The following ZNF777 variants were observed in gnomAD, a reference collection of about 807,000 sequenced individuals.
ZNF777 encodes zinc finger protein 777.
Under a neutral mutation model 72.1 loss-of-function variants are expected in ZNF777, and 7 were observed. The ratio of observed to expected loss-of-function variants is 0.10; its 90% CI spans 0.06 to 0.18. ZNF777 has a LOEUF of 0.18. Among genes scored for constraint, ZNF777 ranks in the 10% least tolerant of loss-of-function variants. The pLI is 1.00. For missense variants in ZNF777, 828 were observed against 1,128.6 expected (o/e 0.73, Z 3.82); for synonymous variants, 545 against 483.5 (o/e 1.13, Z -1.67).
intron 4 of ZNF777, among the ~76,000 whole-genome samples, chr7:149,442,827 C>T (rs1173825856): frequency 6.6e-6 from 1 of 152,016 alleles, no homozygotes; most frequent in Non-Finnish European, 1.5e-5. Flanking sequence ...TCAACATCAC[C>T]CTTATGGAAA....
At position 149,436,729 on chromosome 7, in the gene ZNF777, C is replaced by T; in HGVS notation, c.1185G>A (p.Glu395=). The stretch of plus-strand genomic sequence containing the variant: ...CCAGCTCTGAGTCCTGGAAGCCGTG[C>T]TCTTCCACCTGTCCCATCAGGGGCT... ...TPEPLMGQVE[E]HGFQDSELGD... Residue 395 remains glutamate (E), a synonymous_variant, in exon 5 of 6, where the codon GAG becomes GAA. Coordinates refer to ENST00000247930, the MANE Select transcript of ZNF777 (RefSeq NM_015694.3). This position sits in a 1 kb window ranked among gnomAD's most constrained non-coding sequence, Gnocchi z 5.0. The T allele has an allele frequency of 3.1e-6, 5 of 1,614,178 alleles. No homozygotes were observed. Among genetic ancestry groups the T allele is most frequent in the Non-Finnish European group, 4.2e-6 (5 of 1,180,042 alleles).
chr7:149,454,911 C>T (rs543791240), intron 2 of ZNF777, among the ~76,000 whole-genome samples: 1 of 152,188 alleles, frequency 6.6e-6, no homozygotes, highest in Non-Finnish European at 1.5e-5. Flanking sequence ...CATCGGCCTT[C>T]GCTTTGCCTT....
Position 149,461,044 on chromosome 7 carries a change from GAA to G in ZNF777, c.-247_-246del, listed in dbSNP as rs1554495433. 3 of 152,308 alleles carry G rather than the reference GAA, an allele frequency of 2.0e-5. No individual in the cohort carries two copies. The highest frequency in any genetic ancestry group is 4.4e-5 in the Non-Finnish European group (3 of 68,102). 9.4% of individuals were successfully genotyped at this position (152,308 alleles called of 1,614,324 possible). ...GATCTAAGAAACCCGTCACACCAGA[GAA>G]AGCCCGGAGTTCATGTGACCAGCTC... On this transcript the variant is annotated 5_prime_UTR_variant, in exon 1 of 6. An upstream open reading frame in the 5' UTR loses its in-frame stop. Transcript: ENST00000247930.
Position 149,455,054 on chromosome 7 carries a change from C to A in ZNF777, c.846+123G>T, listed in dbSNP as rs1585703774. On this transcript the variant is annotated intron_variant, in intron 2 of 5. Coordinates refer to ENST00000247930, the MANE Select transcript of ZNF777 (RefSeq NM_015694.3). This position sits in a 1 kb window ranked among gnomAD's most constrained non-coding sequence, Gnocchi z 4.2. ...ATAATTTGATTTTGGCATGTCCTAG[C>A]AACTGGGATCACTGTATTTTTTCCT... 12 of 1,244,774 alleles carry A rather than the reference C, an allele frequency of 9.6e-6. No homozygotes were observed. In the East Asian group the frequency reaches 2.8e-4, roughly 29 times the overall value. 77.1% of individuals were successfully genotyped at this position (1,244,774 alleles called of 1,614,324 possible). A position where few individuals can be genotyped will look rare whatever the true frequency, so the allele number is the denominator to read the frequency against.
chr7:149,434,832 C>A (rs1799385062), intron 5 of ZNF777, among the ~76,000 whole-genome samples: 1 of 152,192 alleles, frequency 6.6e-6, no homozygotes, highest in South Asian at 2.1e-4. Flanking sequence ...ATCCGATCCG[C>A]CTGCCCCAGC....
At chr7:149,449,347 G>A (rs911963218) in intron 4 of ZNF777, among the ~76,000 whole-genome samples, 4 of 152,218 alleles carry the variant, frequency 2.6e-5, no homozygotes, top group African/African-American at 7.2e-5. Context: ...ATGTGCATGT[G>A]TCAGAACAAA....
At chr7:149,459,869 T>C in intron 1 of ZNF777, 1 of 982,896 alleles carries the variant, frequency 1.0e-6, no homozygotes, top group Non-Finnish European at 1.2e-6. Context: ...GCGCCCCACC[T>C]CGGGGCCGCG....
In ZNF777 at chr7:149,451,081, T is replaced by C. The variant is rs1349222859; in HGVS notation, c.1005A>G (p.Ser335=). Reference sequence around the variant, plus strand: ...TGGGCCGCTCCCCGCGCTCCATCTGTGACATGAGGTCTGGTTTGGAAATTG... The same window carrying C: ...TGGGCCGCTCCCCGCGCTCCATCTGCGACATGAGGTCTGGTTTGGAAATTG... ...DYAISKPDLM[S]QMERGERPTM... The change falls in exon 4 of 6, where the codon TCA becomes TCG. Residue 335 remains serine, a synonymous_variant. Transcript: ENST00000247930. 1.2e-6 allele frequency: 2 copies of C among 1,613,980 alleles called. No homozygotes were observed. Among genetic ancestry groups the C allele is most frequent in the Admixed American group, 3.3e-5 (2 of 60,020 alleles).
intron 5 of ZNF777, 63 bp from the exon 6 acceptor site, chr7:149,432,995 T>A: frequency 6.9e-7 from 1 of 1,446,634 alleles, no homozygotes; most frequent in Non-Finnish European, 9.1e-7. Context: ...CCTACCTGGA[T>A]GGAGGTACAG....
Position 149,442,216 on chromosome 7 carries a change from CAAAA to C in ZNF777, c.1088-5394_1088-5391del, listed in dbSNP as rs528928411. Among the ~76,000 whole-genome samples the C allele has an allele frequency of 6.2e-3, 519 of 83,104 alleles. 2 individuals carry two copies. Among genetic ancestry groups the C allele is most frequent in the African/African-American group, 0.021 (436 of 21,022 alleles). 54.5% of individuals were successfully genotyped at this position (83,104 alleles called of 152,430 possible). A position where few individuals can be genotyped will look rare whatever the true frequency, so the allele number is the denominator to read the frequency against. On this transcript the variant is annotated intron_variant, in intron 4 of 5. Coordinates refer to ENST00000247930, the MANE Select transcript of ZNF777 (RefSeq NM_015694.3). ...TGGGCGACAGAGTGAGACTCTGTCT[CAAAA>C]AAAAAAAAAAAAAAAGTGATAAATT...
At chr7:149,439,275 G>T (rs768908240) in intron 4 of ZNF777, among the ~76,000 whole-genome samples, 2 of 151,994 alleles carry the variant, frequency 1.3e-5, no homozygotes, top group African/African-American at 4.8e-5. Context: ...ACATGACCAC[G>T]ACTCTAGCAT....
rs796721387 is a variant in ZNF777 at position 149,437,799 on chromosome 7, C to CTTTTT, written c.1088-978_1088-974dup. On this transcript the variant is annotated intron_variant, in intron 4 of 5. Coordinates refer to ENST00000247930, the MANE Select transcript of ZNF777 (RefSeq NM_015694.3). ...CACATACACATTTATATGTTTGTTTCTTTTTCTTTTTTTTTTTTTTTTGTC... is the reference window on the plus strand; with the variant it reads ...CACATACACATTTATATGTTTGTTTCTTTTTTTTTTCTTTTTTTTTTTTTTTTGTC... Among the ~76,000 whole-genome samples, 64 of 115,632 alleles carry CTTTTT rather than the reference C, an allele frequency of 5.5e-4. 3 individuals carry two copies. Among genetic ancestry groups the CTTTTT allele is most frequent in the Non-Finnish European group, 6.2e-4 (36 of 57,760 alleles). The allele number at this position is 115,632 out of a possible 152,430, so 75.9% of individuals were successfully genotyped here.
intron 4 of ZNF777, among the ~76,000 whole-genome samples, chr7:149,442,470 A>T (rs1323394467): frequency 6.6e-6 from 1 of 151,446 alleles, no homozygotes; most frequent in Non-Finnish European, 1.5e-5. Flanking sequence ...ATACAAAAAA[A>T]TTAGCCATGC....
chr7:149,459,701 CTG>C, intron 1 of ZNF777: 10 of 985,170 alleles, frequency 1.0e-5, no homozygotes, highest in Non-Finnish European at 1.2e-5. Context: ...CGCCAGGTGT[CTG>C]TGCCTCAGTG....
In ZNF777 at chr7:149,432,496, G is replaced by C; in HGVS notation, c.1776C>G (p.His592Gln). Reference protein sequence around the residue: ...SFRHKQQLTLHQRIHRVRGGC... With the variant: ...SFRHKQQLTLQQRIHRVRGGC... The stretch of plus-strand genomic sequence containing the variant: ...CTCCGCGCACGCGGTGGATGCGCTG[G>C]TGCAGCGTGAGCTGTTGCTTGTGCC... The change falls in exon 6 of 6, where the codon CAC (histidine) becomes CAG (glutamine). Residue 592 changes from histidine (H) to glutamine (Q), a missense_variant. Physicochemically the swap from His to Gln is conservative, Grantham distance 24. Coordinates refer to ENST00000247930, the MANE Select transcript of ZNF777 (RefSeq NM_015694.3). The C allele has an allele frequency of 6.2e-7, 1 of 1,613,860 alleles. No individual in the cohort carries two copies. The highest frequency in any genetic ancestry group is 8.5e-7 in the Non-Finnish European group (1 of 1,179,874).
intron 4 of ZNF777, among the ~76,000 whole-genome samples, chr7:149,437,233 C>T (rs1003120064): frequency 4.6e-5 from 7 of 152,262 alleles, no homozygotes; most frequent in African/African-American, 1.7e-4. Flanking sequence ...ATCTCAGCCT[C>T]CCAAAGTGCT....
rs1157773596 is a variant in ZNF777, at chr7:149,432,780, C to T, written c.1492G>A (p.Glu498Lys). 1 of 1,608,986 alleles carries T rather than the reference C, an allele frequency of 6.2e-7. No individual in the cohort carries two copies. The highest frequency in any genetic ancestry group is 1.1e-5 in the South Asian group (1 of 90,816). ...QTPLPGEMSP[E>K]GEESPPPLQL... ...AGGGGCGGGGGGCTCTCCTCGCCCT[C>T]GGGGGACATCTCCCCGGGCAGCGGG... Residue 498 changes from glutamate to lysine, a missense_variant, in exon 6 of 6, where the codon GAG (glutamate) becomes AAG (lysine). This residue lies in a region of ZNF777 where 219 missense variants were observed against 223.0 expected (regional missense o/e 0.98). Coordinates refer to ENST00000247930, the MANE Select transcript of ZNF777 (RefSeq NM_015694.3).
chr7:149,444,214 G>C (rs1441997405), intron 4 of ZNF777, among the ~76,000 whole-genome samples: 1 of 152,152 alleles, frequency 6.6e-6, no homozygotes, highest in Admixed American at 6.6e-5. Flanking sequence ...TATTCAGTGA[G>C]TGCCTCCTAC....
rs1373395108 is a variant in ZNF777 at position 149,460,886 on chromosome 7, G to A, written c.-87C>T. The A allele has an allele frequency of 6.6e-6, 1 of 152,344 alleles. No homozygotes were observed. Among genetic ancestry groups the A allele is most frequent in the Non-Finnish European group, 1.5e-5 (1 of 68,170 alleles). 9.4% of individuals were successfully genotyped at this position (152,344 alleles called of 1,614,324 possible). A position where few individuals can be genotyped will look rare whatever the true frequency, so the allele number is the denominator to read the frequency against. ...GCGCGGGCGGAGGCGCAGTCGGAGCGCGCAGCCCAGGCGACGTGCTGGGGT... is the reference window on the plus strand; with the variant it reads ...GCGCGGGCGGAGGCGCAGTCGGAGCACGCAGCCCAGGCGACGTGCTGGGGT... On this transcript the variant is annotated 5_prime_UTR_variant, in exon 1 of 6. Coordinates refer to ENST00000247930, the MANE Select transcript of ZNF777 (RefSeq NM_015694.3). The surrounding 1 kb of genome is among the most constrained non-coding windows in gnomAD (Gnocchi z 6.1).
Sources: allele counts gnomAD v4.1 joint callset (sites outside exome capture counted in the v4.1 genomes callset), GRCh38; gene constraint gnomAD v4.1.1; regional missense constraint gnomAD v4.1.1; non-coding constraint Gnocchi (gnomAD v3.1); transcripts MANE v1.5; gene names NCBI Gene and HGNC (gene_info 2026-07-23, HGNC 2026-07-21).